Variants in TANC1 observed in about 807,000 individuals in gnomAD.
The protein encoded by TANC1 is tetratricopeptide repeat, ankyrin repeat and coiled-coil containing 1.
A neutral mutation model predicts 149.7 loss-of-function variants in TANC1; 77 were observed. The ratio of observed to expected loss-of-function variants is 0.51; its 90% confidence interval spans 0.43 to 0.62. The LOEUF (loss-of-function observed/expected upper bound fraction) is 0.62. Among genes scored for constraint, TANC1 ranks in the 20% least tolerant of loss-of-function variants. TANC1 has a pLI of 0.00. For missense variants in TANC1, 1,985 were observed against 2,321.8 expected, an observed-to-expected ratio of 0.85 and a Z score of 2.98; for synonymous variants, 854 against 925.0, an observed-to-expected ratio of 0.92 and a Z score of 1.39.
At chr2:159,129,730 G>A (rs1026150832) in intron 4 of TANC1, among the ~76,000 whole-genome samples, 5 of 152,170 alleles carry the variant, frequency 3.3e-5, no homozygotes, top group African/African-American at 1.2e-4. Context: ...GGGAGGGGCA[G>A]TGGCCTGGGG....
In TANC1 at chr2:159,176,493, T is replaced by C. The variant is rs772313784; in HGVS notation, c.1877T>C (p.Ile626Thr). 6.3e-7 allele frequency: 1 copy of C among 1,597,798 alleles called. No homozygotes were observed. Among genetic ancestry groups the C allele is most frequent in the Non-Finnish European group, 8.5e-7 (1 of 1,176,368 alleles). Residue 626 changes from isoleucine (I) to threonine (T), a missense_variant, in exon 13 of 27, where the codon ATT becomes ACT. Physicochemically the swap from Ile to Thr is moderately conservative, Grantham distance 89 (BLOSUM62 -1). Around this residue, in one of 3 missense-constraint regions of TANC1, gnomAD observed 508 missense variants for 714.2 expected, o/e 0.71. Coordinates refer to ENST00000263635, the MANE Select transcript of TANC1 (RefSeq NM_033394.3). ...AAATTTCCTGCCTGGTTGAAGTTGA[T>C]TGTGACTGTAAGAGCAAATTTTCAG... Reference protein sequence around the residue: ...ISKFPAWLKLIVTVRANFQEI... With the variant: ...ISKFPAWLKLTVTVRANFQEI...
intron 8 of TANC1, 92 bp downstream of exon 8, chr2:159,163,638 A>C (rs2054278746): frequency 6.9e-7 from 1 of 1,456,472 alleles, no homozygotes; most frequent in Middle Eastern, 2.6e-4. Flanking sequence ...CTCCAGATAC[A>C]AGCCAGCTTC....
At chr2:159,213,542 G>A (rs2059143696) in intron 19 of TANC1, among the ~76,000 whole-genome samples, 1 of 151,922 alleles carries the variant, frequency 6.6e-6, no homozygotes, top group African/African-American at 2.4e-5. Context: ...TGCTCAGTAA[G>A]GGCAATGGGC....
At chr2:159,163,915 G>A (rs2054307519) in intron 8 of TANC1, among the ~76,000 whole-genome samples, 1 of 152,080 alleles carries the variant, frequency 6.6e-6, no homozygotes, top group Non-Finnish European at 1.5e-5. Context: ...ATATCAGCTC[G>A]AGGATCTTCT....
intron 5 of TANC1, among the ~76,000 whole-genome samples, chr2:159,144,146 G>C (rs2051780590): frequency 6.6e-6 from 1 of 152,046 alleles, no homozygotes; most frequent in Non-Finnish European, 1.5e-5. Flanking sequence ...TAGTCCTCTA[G>C]ACTTAAGAGG....
chr2:159,104,878 A>G (rs1295407959), intron 4 of TANC1, among the ~76,000 whole-genome samples: 2 of 112,082 alleles, frequency 1.8e-5, no homozygotes, highest in African/African-American at 2.9e-5. Context: ...TTAATATTTT[A>G]TCACGAGCAA....
intron 19 of TANC1, among the ~76,000 whole-genome samples, chr2:159,216,196 C>T (rs2059335307): frequency 6.6e-6 from 1 of 152,186 alleles, no homozygotes; most frequent in Non-Finnish European, 1.5e-5. Flanking sequence ...CATAGGCTCC[C>T]TGGCATGGGG....
intron 2 of TANC1, among the ~76,000 whole-genome samples, chr2:159,031,083 A>T (rs763864613): frequency 1.4e-4 from 21 of 152,334 alleles, no homozygotes; most frequent in Non-Finnish European, 2.2e-4. Flanking sequence ...GCAGCAGATT[A>T]TCCAGAGAGG....
intron 4 of TANC1, among the ~76,000 whole-genome samples, chr2:159,106,287 C>G (rs1429051414): frequency 3.9e-5 from 6 of 152,174 alleles, no homozygotes; most frequent in Non-Finnish European, 8.8e-5. Flanking sequence ...ATACCCGTTA[C>G]TAGTCATTTC....
intron 1 of TANC1, among the ~76,000 whole-genome samples, chr2:158,985,986 A>G (rs2034963976): frequency 6.6e-6 from 1 of 152,100 alleles, no homozygotes; most frequent in Non-Finnish European, 1.5e-5. Context: ...GTGCTTTTTG[A>G]AAACTGGCCT....
intron 2 of TANC1, among the ~76,000 whole-genome samples, chr2:159,044,917 T>C (rs1273075463): frequency 6.6e-6 from 1 of 152,242 alleles, no homozygotes; most frequent in Admixed American, 6.5e-5. Flanking sequence ...CACCCTGCTA[T>C]CCATGAGGAA....
intron 1 of TANC1, among the ~76,000 whole-genome samples, chr2:158,991,280 T>C (rs2035599655): frequency 1.3e-5 from 2 of 152,052 alleles, no homozygotes; most frequent in Non-Finnish European, 2.9e-5. Flanking sequence ...TAAATAGTGT[T>C]AATAACATAC....
At chr2:159,219,113 C>A in intron 20 of TANC1, 125 bp from the exon 21 acceptor site, 1 of 1,320,706 alleles carries the variant, frequency 7.6e-7, no homozygotes, top group Non-Finnish European at 1.1e-6. Flanking sequence ...CCATGGTTCA[C>A]ACAACTTACA....
intron 7 of TANC1, among the ~76,000 whole-genome samples, chr2:159,151,887 C>T (rs1414865133): frequency 1.3e-5 from 2 of 152,138 alleles, no homozygotes; most frequent in Admixed American, 6.5e-5. Context: ...AACCATTTGA[C>T]GGTTTTTAGT....
chr2:159,205,854 G>A (rs911239818), intron 19 of TANC1, among the ~76,000 whole-genome samples: 4 of 152,248 alleles, frequency 2.6e-5, no homozygotes, highest in Admixed American at 2.0e-4. Flanking sequence ...CCCATGGCTT[G>A]TTGGGGCATG....
rs1300242421 is a variant in TANC1, at chr2:159,229,967, TGA to T, written c.4547_4548del (p.Glu1516AlafsTer97). On this transcript the variant is annotated frameshift_variant, in exon 27 of 27. Transcript: ENST00000263635. LOFTEE classifies it low-confidence loss of function (END_TRUNC). ...AGCAGGGCAGGAATCGGCAAGTCCC[TGA>T]GAGAGCCTGTGGCCCAGCCAGGGCT... is the stretch of plus-strand genomic sequence containing the variant. 1 of 1,614,024 alleles carries T rather than the reference TGA, an allele frequency of 6.2e-7. No homozygotes were observed.
At chr2:158,994,476 C>T (rs1474108975) in intron 1 of TANC1, among the ~76,000 whole-genome samples, 1 of 152,138 alleles carries the variant, frequency 6.6e-6, no homozygotes, top group Non-Finnish European at 1.5e-5. Context: ...TGTCTACTTG[C>T]CTAGGCTGGT....
intron 2 of TANC1, among the ~76,000 whole-genome samples, chr2:159,007,039 A>G (rs369301760): frequency 6.6e-6 from 1 of 152,108 alleles, no homozygotes; most frequent in East Asian, 1.9e-4. Context: ...TGCACCATAT[A>G]AGGTTTAGGT....
chr2:158,991,905 C>T (rs1239816502), intron 1 of TANC1, among the ~76,000 whole-genome samples: 1 of 152,146 alleles, frequency 6.6e-6, no homozygotes, highest in African/African-American at 2.4e-5. Context: ...CTGACAATAA[C>T]AGCATTCATT....
Sources: gnomAD v4.1 joint callset for allele counts (sites outside exome capture counted in the v4.1 genomes callset) on GRCh38, gnomAD v4.1.1 for gene constraint, gnomAD v4.1.1 regional missense constraint, MANE v1.5 for transcripts, NCBI Gene and HGNC (gene_info 2026-07-23, HGNC 2026-07-21) for gene names.